Variants in HIP1 observed in about 807,000 individuals in gnomAD.
HIP1 encodes the protein huntingtin-interacting protein 1.
A neutral mutation model predicts 147.6 loss-of-function variants in HIP1; 65 were observed. That is an observed-to-expected ratio of 0.44 (90% confidence interval 0.36 to 0.54). The LOEUF (loss-of-function observed/expected upper bound fraction) is 0.54, where lower values mean the gene tolerates loss of function less well. HIP1 is among the 20% of genes least tolerant of loss of function. HIP1 has a pLI of 0.00. For synonymous variants in HIP1, 479 were observed against 504.0 expected (o/e 0.95, Z 0.67); for missense variants, 1,061 against 1,299.6 (o/e 0.82, Z 2.82).
chr7:75,664,441 CAT>C (rs1481551510), intron 1 of HIP1, among the ~76,000 whole-genome samples: 1 of 103,976 alleles, frequency 9.6e-6, no homozygotes, highest in Admixed American at 1.0e-4. Context: ...CATATACATA[CAT>C]ATATACACAT....
intron 22 of HIP1, among the ~76,000 whole-genome samples, chr7:75,551,936 T>C (rs1223478355): frequency 4.0e-5 from 6 of 151,714 alleles, no homozygotes; most frequent in African/African-American, 1.5e-4. Context: ...GTTGCCCAGG[T>C]TGGAGTGCAA....
chr7:75,707,733 T>G (rs1440529802), intron 1 of HIP1, among the ~76,000 whole-genome samples: 11 of 144,574 alleles, frequency 7.6e-5, no homozygotes, highest in Non-Finnish European at 1.6e-4. Context: ...AACAGTATGG[T>G]ACTGGTACCA....
At chr7:75,658,562 G>C (rs1166418366) in intron 1 of HIP1, among the ~76,000 whole-genome samples, 1 of 152,106 alleles carries the variant, frequency 6.6e-6, no homozygotes, top group African/African-American at 2.4e-5. Flanking sequence ...CGCTGGGTTT[G>C]GGTATTGGCA....
intron 7 of HIP1, 61 bp downstream of exon 7, chr7:75,581,176 A>G: frequency 7.9e-7 from 1 of 1,261,552 alleles, no homozygotes; most frequent in Non-Finnish European, 1.1e-6. Flanking sequence ...CAGGGAGAGG[A>G]GGACTAGGAA....
chr7:75,730,279 GACAA>G (rs537871840), intron 1 of HIP1, among the ~76,000 whole-genome samples: 184 of 152,088 alleles, frequency 1.2e-3, no homozygotes, highest in African/African-American at 4.2e-3. Context: ...GTGACAGAAG[GACAA>G]ACAGAGAGCA....
intron 4 of HIP1, among the ~76,000 whole-genome samples, chr7:75,589,683 C>CAAAAAAAAAAAAA (rs1159535613): frequency 2.0e-5 from 1 of 49,638 alleles, no homozygotes; most frequent in African/African-American, 8.7e-5. Flanking sequence ...ACTCTGTCTC[C>CAAAAAAAAAAAAA]AAAAAAAAAA....
At chr7:75,598,628 T>C (rs4615495) in intron 2 of HIP1, among the ~76,000 whole-genome samples, 1 of 151,862 alleles carries the variant, frequency 6.6e-6, no homozygotes, top group Non-Finnish European at 1.5e-5. Context: ...AAAGCTTGAG[T>C]CGGCCAGGTG....
rs1794072999 is a variant in HIP1 at position 75,536,032 on chromosome 7, A to G, written c.*2140T>C. The stretch of plus-strand genomic sequence containing the variant: ...CCCGGCCACCCCTTGGTAATTGGGA[A>G]CATATGAGTTAGAATGGCTGAGATC... On this transcript the variant is annotated 3_prime_UTR_variant, in exon 31 of 31. Transcript: ENST00000336926. The G allele has an allele frequency of 1.7e-5, 3 of 181,320 alleles. No individual in the cohort carries two copies. In the East Asian group the frequency reaches 2.7e-4, roughly 16 times the overall value. The allele number at this position is 181,320 out of a possible 1,614,324, so 11.2% of individuals were successfully genotyped here.
At chr7:75,654,422 A>T (rs1024931055) in intron 1 of HIP1, 5 of 152,178 alleles carry the variant, frequency 3.3e-5, no homozygotes, top group Non-Finnish European at 5.9e-5. Context: ...CTAATGTCAC[A>T]TGTCTGATTC....
At chr7:75,690,628 T>C (rs1800416717) in intron 1 of HIP1, among the ~76,000 whole-genome samples, 1 of 151,726 alleles carries the variant, frequency 6.6e-6, no homozygotes, top group Admixed American at 6.6e-5. Context: ...TTTGGGAGTC[T>C]GAGATGGGTG....
chr7:75,547,676 A>C, intron 24 of HIP1, 79 bp downstream of exon 24: 2 of 1,202,102 alleles, frequency 1.7e-6, no homozygotes, highest in Non-Finnish European at 2.5e-6. Context: ...CTAATTCCCT[A>C]ATAAGTATGC....
chr7:75,595,729 A>G (rs1238822145), intron 2 of HIP1, among the ~76,000 whole-genome samples: 2 of 152,090 alleles, frequency 1.3e-5, no homozygotes, highest in Non-Finnish European at 2.9e-5. Flanking sequence ...TGCCCCAAGT[A>G]TGTGTCAAAG....
At chr7:75,629,006 G>A (rs73702665) in intron 1 of HIP1, among the ~76,000 whole-genome samples, 4,953 of 152,222 alleles carry the variant, frequency 0.033, 304 homozygotes, top group African/African-American at 0.11. Flanking sequence ...GAGTAGGGAG[G>A]CAGTGATTTT....
chr7:75,728,388 C>A (rs373333736), intron 1 of HIP1, among the ~76,000 whole-genome samples: 3 of 152,202 alleles, frequency 2.0e-5, no homozygotes, highest in Non-Finnish European at 2.9e-5. Flanking sequence ...ACCACCCTGC[C>A]GGGAGGTGGG....
chr7:75,553,405 C>T, intron 22 of HIP1, 48 bp downstream of exon 22: 1 of 1,597,000 alleles, frequency 6.3e-7, no homozygotes, highest in South Asian at 1.1e-5. Context: ...CACCAGCACG[C>T]ACACCCAGAA....
Position 75,666,081 on chromosome 7 carries a change from A to C in HIP1, c.121-66834T>G, listed in dbSNP as rs146302011. Among the ~76,000 whole-genome samples the C allele has an allele frequency of 5.5e-3, 842 of 152,212 alleles. 12 individuals are homozygous for C. The highest frequency in any genetic ancestry group is 0.019 in the African/African-American group (780 of 41,548). On this transcript the variant is annotated intron_variant, in intron 1 of 30. Transcript: ENST00000336926. ...GAGGTGGCTGCCTCTGCAGAGAAGG[A>C]CCAGAGGCTGGGGGATGTGGGATGA...
intron 5 of HIP1, among the ~76,000 whole-genome samples, chr7:75,586,364 G>T (rs1302776117): frequency 6.6e-6 from 1 of 151,906 alleles, no homozygotes; most frequent in Non-Finnish European, 1.5e-5. Context: ...CACCACCATG[G>T]GTAATTTTTG....
Position 75,537,896 on chromosome 7 carries a change from C to T in HIP1, c.*276G>A, listed in dbSNP as rs1032314475. 8.0e-6 allele frequency: 4 copies of T among 502,214 alleles called. No homozygotes were observed. Among genetic ancestry groups the T allele is most frequent in the East Asian group, 6.7e-5 (2 of 30,068 alleles). 31.1% of individuals were successfully genotyped at this position (502,214 alleles called of 1,614,324 possible). ...TGTTGAGTGGCCCTGCCCCCCACCA[C>T]CCCTCTTCGTACCTAGGCTTGCTCA... On this transcript the variant is annotated 3_prime_UTR_variant, in exon 31 of 31. Transcript: ENST00000336926.
chr7:75,641,493 CT>C (rs1319663029), intron 1 of HIP1, among the ~76,000 whole-genome samples: 23 of 80,128 alleles, frequency 2.9e-4, no homozygotes, highest in East Asian at 9.4e-4. Context: ...TCCTTGTTTG[CT>C]TTTTTTTTTT....
Sources: allele counts gnomAD v4.1 joint callset (sites outside exome capture counted in the v4.1 genomes callset), GRCh38; gene constraint gnomAD v4.1.1; transcripts MANE v1.5; gene names NCBI Gene and HGNC (gene_info 2026-07-23, HGNC 2026-07-21).